The following EML6 variants were observed in gnomAD, a reference collection of about 807,000 sequenced individuals.
EML6 encodes echinoderm microtubule-associated protein-like 6.
Under a neutral mutation model 240.1 loss-of-function variants are expected in EML6, and 154 were observed. The observed-to-expected ratio is 0.64, with a 90% CI of 0.56 to 0.73. The LOEUF (loss-of-function observed/expected upper bound fraction) is 0.73, where lower values mean the gene tolerates loss of function less well. Among genes scored for constraint, EML6 ranks in the 30% least tolerant of loss-of-function variants. EML6 has a pLI of 0.00. For synonymous variants in EML6, 1,148 were observed against 899.0 expected (o/e 1.28, Z -4.95); for missense variants, 2,964 against 2,474.6 (o/e 1.20, Z -4.20).
chr2:54,855,907 A>G (rs142759844), intron 11 of EML6, among the ~76,000 whole-genome samples: 1 of 152,186 alleles, frequency 6.6e-6, no homozygotes, highest in African/African-American at 2.4e-5. Context: ...GACAAGGTAC[A>G]AGTATTCCCT....
chr2:54,932,254 C>A (rs1375838339), intron 28 of EML6, among the ~76,000 whole-genome samples: 1 of 152,208 alleles, frequency 6.6e-6, no homozygotes, highest in African/African-American at 2.4e-5. Flanking sequence ...ACTGGGATAC[C>A]CTGCCTCCAT....
Position 54,957,810 on chromosome 2 carries a change from G to C in EML6, c.4507G>C (p.Gly1503Arg). ...WQEGAKVASR[G>R]GHLERIFVVE... ...CACAGGTGCCAAGGTTGCCAGCCGA[G>C]GGGGTCACCTGGAGCGCATATTTGT... is the stretch of plus-strand genomic sequence containing the variant. The change falls in exon 33 of 42, where the codon GGG (glycine) becomes CGG (arginine). Residue 1503 changes from glycine (G) to arginine (R), a missense_variant. Gly to Arg is a moderately radical substitution (Grantham distance 125). Coordinates refer to ENST00000356458, the MANE Select transcript of EML6 (RefSeq NM_001039753.4). 1.3e-6 allele frequency: 2 copies of C among 1,549,990 alleles called. No homozygotes were observed. The highest frequency in any genetic ancestry group is 1.7e-6 in the Non-Finnish European group (2 of 1,146,986).
chr2:54,902,858 A>G (rs1255989333), intron 22 of EML6, among the ~76,000 whole-genome samples, 186 bp from the exon 23 acceptor site: 3 of 152,224 alleles, frequency 2.0e-5, no homozygotes, highest in Non-Finnish European at 4.4e-5. Flanking sequence ...TACAGGCATG[A>G]GCTGCTGCGC....
intron 28 of EML6, among the ~76,000 whole-genome samples, chr2:54,945,930 C>A (rs1675675043): frequency 6.6e-6 from 1 of 152,200 alleles, no homozygotes. Context: ...CCAACTGTTT[C>A]CACAGGGGGT....
intron 11 of EML6, among the ~76,000 whole-genome samples, chr2:54,855,485 G>T (rs1310554302): frequency 8.1e-6 from 1 of 123,044 alleles, no homozygotes; most frequent in African/African-American, 3.2e-5. Context: ...TAATTCTGGA[G>T]ATTACAATTC....
At chr2:54,863,702 A>C (rs1269126361) in intron 12 of EML6, 81 bp from the exon 13 acceptor site, 1 of 728,192 alleles carries the variant, frequency 1.4e-6, no homozygotes. Flanking sequence ...TGCTAGGATA[A>C]AAGGAAAAAT....
At chr2:54,827,791 A>G (rs1386177266) in intron 6 of EML6, 40 bp downstream of exon 6, 7 of 1,454,348 alleles carry the variant, frequency 4.8e-6, no homozygotes, top group Non-Finnish European at 3.8e-6. Context: ...TGACCTACCA[A>G]ATAAGGTAAG....
chr2:54,949,363 C>T (rs969830115), intron 29 of EML6, among the ~76,000 whole-genome samples: 2 of 152,208 alleles, frequency 1.3e-5, no homozygotes, highest in African/African-American at 4.8e-5. Flanking sequence ...GGGTGCCCTG[C>T]TCCATAGCCA....
At position 54,933,307 on chromosome 2, in the gene EML6, C is replaced by T. The variant is rs1674957729; in HGVS notation, c.4004+4556C>T. 2.0e-5 allele frequency among the ~76,000 whole-genome samples: 3 copies of T among 152,184 alleles called. No individual in the cohort carries two copies. The South Asian group carries it at 6.2e-4, about 32-fold the overall frequency. ...ATAGTCACCTGCCACCATAGACTAGCAATGTAATCACTTCACCTCTCTGTA... is the reference window on the plus strand; with the variant it reads ...ATAGTCACCTGCCACCATAGACTAGTAATGTAATCACTTCACCTCTCTGTA... On this transcript the variant is annotated intron_variant, in intron 28 of 41. Transcript: ENST00000356458.
chr2:54,923,365 A>ACG lies in EML6; in HGVS notation c.3676-4946_3676-4945dup, dbSNP rs200536332. 5.1e-3 allele frequency among the ~76,000 whole-genome samples: 359 copies of ACG among 69,718 alleles called. 2 individuals are homozygous for ACG. Among genetic ancestry groups the ACG allele is most frequent in the Non-Finnish European group, 6.9e-3 (252 of 36,676 alleles). The allele number at this position is 69,718 out of a possible 152,430, so 45.7% of individuals were successfully genotyped here. A position where few individuals can be genotyped will look rare whatever the true frequency, so the allele number is the denominator to read the frequency against. On this transcript the variant is annotated intron_variant, in intron 26 of 41. Transcript: ENST00000356458. Reference sequence around the variant, plus strand: ...AGTAGATCCTAAGTGTCCTCACCAAACGCACACACACACACACACACACAC... The same window carrying ACG: ...AGTAGATCCTAAGTGTCCTCACCAAACGCGCACACACACACACACACACACAC...
chr2:54,929,350 GC>G (rs1674732244), intron 28 of EML6, among the ~76,000 whole-genome samples: 2 of 152,092 alleles, frequency 1.3e-5, no homozygotes, highest in African/African-American at 4.8e-5. Context: ...TTTTCAATGT[GC>G]TGTTATAAGT....
chr2:54,748,078 A>G (rs1683998423), intron 2 of EML6, among the ~76,000 whole-genome samples: 1 of 152,210 alleles, frequency 6.6e-6, no homozygotes. Flanking sequence ...TATTACAAAA[A>G]TTATAATGGG....
chr2:54,966,134 C>T (rs1676738190), intron 38 of EML6, among the ~76,000 whole-genome samples: 1 of 152,192 alleles, frequency 6.6e-6, no homozygotes, highest in Non-Finnish European at 1.5e-5. Flanking sequence ...ACTAAACAGA[C>T]AATCACAAAA....
intron 7 of EML6, among the ~76,000 whole-genome samples, chr2:54,836,849 C>G (rs1044322136): frequency 2.0e-5 from 3 of 152,142 alleles, no homozygotes; most frequent in Admixed American, 2.0e-4. Flanking sequence ...TGGGGAGATG[C>G]ATGTCTTTCC....
intron 8 of EML6, among the ~76,000 whole-genome samples, chr2:54,845,560 T>C (rs1446102013): frequency 6.6e-6 from 1 of 152,216 alleles, no homozygotes; most frequent in African/African-American, 2.4e-5. Flanking sequence ...AGTCATAATT[T>C]CTTGAGAAAG....
At chr2:54,874,703 T>C (rs1671417656) in intron 16 of EML6, among the ~76,000 whole-genome samples, 1 of 152,160 alleles carries the variant, frequency 6.6e-6, no homozygotes, top group South Asian at 2.1e-4. Context: ...ATTGTAGTCA[T>C]TGACTGGGGG....
chr2:54,871,644 G>C (rs1671262445), intron 16 of EML6, 39 bp downstream of exon 16: 32 of 1,385,362 alleles, frequency 2.3e-5, no homozygotes, highest in Non-Finnish European at 3.1e-5. Context: ...TCTACGTTGA[G>C]AGAGAGAGAG....
At chr2:54,775,941 G>C (rs1031206243) in intron 2 of EML6, among the ~76,000 whole-genome samples, 2 of 152,132 alleles carry the variant, frequency 1.3e-5, no homozygotes, top group African/African-American at 4.8e-5. Flanking sequence ...ACTTGGTCAT[G>C]ATACACAATT....
chr2:54,871,667 T>G lies in EML6; in HGVS notation c.2344+62T>G, dbSNP rs1170952679. The G allele has an allele frequency of 5.6e-6, 7 of 1,239,662 alleles. No individual in the cohort carries two copies. The East Asian group carries it at 1.5e-4, about 27-fold the overall frequency. 76.8% of individuals were successfully genotyped at this position (1,239,662 alleles called of 1,614,324 possible). A position where few individuals can be genotyped will look rare whatever the true frequency, so the allele number is the denominator to read the frequency against. On this transcript the variant is annotated intron_variant, in intron 16 of 41. Coordinates refer to ENST00000356458, the MANE Select transcript of EML6 (RefSeq NM_001039753.4). ...GAGAGAGAGAGAGACACAGAGAGAGTATGCCCCGCGCATGCGCGCACGCGT... is the reference window on the plus strand; with the variant it reads ...GAGAGAGAGAGAGACACAGAGAGAGGATGCCCCGCGCATGCGCGCACGCGT...
Sources: allele counts gnomAD v4.1 joint callset (sites outside exome capture counted in the v4.1 genomes callset), GRCh38; gene constraint gnomAD v4.1.1; transcripts MANE v1.5; gene names NCBI Gene and HGNC (gene_info 2026-07-23, HGNC 2026-07-21).